FHIT: variants seen among roughly 807,000 people sequenced by gnomAD.
FHIT encodes the protein bis(5'-adenosyl)-triphosphatase.
Under a neutral mutation model 17.9 loss-of-function variants are expected in FHIT, and 19 were observed. The observed-to-expected ratio is 1.06, with a 90% confidence interval of 0.74 to 1.56. The LOEUF (loss-of-function observed/expected upper bound fraction) is 1.56. Among genes scored for constraint, FHIT ranks in the 40% most tolerant of loss-of-function variants. FHIT has a pLI of 0.00. For missense variants in FHIT, 248 were observed against 189.2 expected (o/e 1.31, Z -1.82); for synonymous variants, 81 against 69.7 (o/e 1.16, Z -0.81).
intron 5 of FHIT, among the ~76,000 whole-genome samples, chr3:60,090,133 G>T (rs941500150): frequency 6.6e-6 from 1 of 151,834 alleles, no homozygotes; most frequent in Non-Finnish European, 1.5e-5. Flanking sequence ...TCTCCCATCT[G>T]CCCCCCACCC....
chr3:61,131,976 G>A (rs755272911), intron 2 of FHIT, among the ~76,000 whole-genome samples: 56 of 152,188 alleles, frequency 3.7e-4, no homozygotes, highest in Non-Finnish European at 5.6e-4. Context: ...CTTCAAGAAG[G>A]GAACTGGGTT....
chr3:61,001,157 T>C (rs186743494), intron 3 of FHIT, among the ~76,000 whole-genome samples: 2 of 152,142 alleles, frequency 1.3e-5, no homozygotes, highest in East Asian at 3.9e-4. Context: ...AGTGATAACA[T>C]CAAATGCTGG....
At chr3:60,976,492 C>T (rs577185898) in intron 3 of FHIT, among the ~76,000 whole-genome samples, 16 of 152,118 alleles carry the variant, frequency 1.1e-4, no homozygotes, top group East Asian at 7.7e-4. Context: ...AACAAACAAA[C>T]GAAAAACCAT....
intron 5 of FHIT, among the ~76,000 whole-genome samples, chr3:60,402,834 T>C (rs1350443183): frequency 2.0e-5 from 3 of 152,196 alleles, no homozygotes; most frequent in Non-Finnish European, 4.4e-5. Flanking sequence ...CAGTACATAG[T>C]AGATGCTCAA....
intron 3 of FHIT, among the ~76,000 whole-genome samples, chr3:60,917,987 C>T (rs1553767443): frequency 1.3e-5 from 2 of 152,180 alleles, no homozygotes; most frequent in African/African-American, 4.8e-5. Flanking sequence ...TGAATTGTAA[C>T]TCTTATAATT....
At chr3:60,492,663 T>A (rs1349135344) in intron 5 of FHIT, among the ~76,000 whole-genome samples, 1 of 152,144 alleles carries the variant, frequency 6.6e-6, no homozygotes, top group Admixed American at 6.5e-5. Context: ...CCCACCATCA[T>A]GCCTGGCTAA....
chr3:60,533,401 TGCAAGA>T (rs558482070), intron 5 of FHIT, among the ~76,000 whole-genome samples: 82 of 152,298 alleles, frequency 5.4e-4, no homozygotes, highest in African/African-American at 1.9e-3. Flanking sequence ...AAAAGAGATG[TGCAAGA>T]GCAGGTCTCG....
rs114445726 is a variant in FHIT at position 60,208,553 on chromosome 3, C to T, written c.104-194401G>A. ...TTTAAATTTACACTTAGCATTTAGC[C>T]CCTTTTCTGCATTAGTCCCATGTTA... On this transcript the variant is annotated intron_variant, in intron 5 of 9. Coordinates refer to ENST00000492590, the MANE Select transcript of FHIT (RefSeq NM_002012.4). 4.5e-3 allele frequency among the ~76,000 whole-genome samples: 691 copies of T among 152,226 alleles called. 5 individuals are homozygous for T. Among genetic ancestry groups the T allele is most frequent in the Non-Finnish European group, 7.1e-3 (483 of 68,020 alleles).
intron 5 of FHIT, among the ~76,000 whole-genome samples, chr3:60,419,349 G>C (rs1702386934): frequency 6.6e-6 from 1 of 152,100 alleles, no homozygotes; most frequent in South Asian, 2.1e-4. Context: ...GTTATTATTT[G>C]AAATGTGCTT....
intron 3 of FHIT, among the ~76,000 whole-genome samples, chr3:60,991,791 T>C (rs2030244051): frequency 2.0e-5 from 1 of 49,568 alleles, no homozygotes; most frequent in African/African-American, 3.2e-5. Context: ...TAATAATAGC[T>C]GTTGTTGTTA....
At chr3:59,893,249 T>C (rs911758257) in intron 8 of FHIT, among the ~76,000 whole-genome samples, 1 of 152,190 alleles carries the variant, frequency 6.6e-6, no homozygotes, top group Non-Finnish European at 1.5e-5. Flanking sequence ...CAATCCCAGC[T>C]TCAAGGTGTC....
chr3:61,051,643 C>A (rs1211244398), intron 2 of FHIT, among the ~76,000 whole-genome samples: 1 of 152,076 alleles, frequency 6.6e-6, no homozygotes, highest in African/African-American at 2.4e-5. Context: ...AAATGACAGG[C>A]CCTGGAAATG....
intron 8 of FHIT, among the ~76,000 whole-genome samples, chr3:59,892,720 T>C (rs1035116325): frequency 6.6e-6 from 1 of 152,168 alleles, no homozygotes; most frequent in Non-Finnish European, 1.5e-5. Flanking sequence ...TAATGTTGTA[T>C]GTCATAAAAA....
chr3:61,035,737 T>C (rs1269687670), intron 3 of FHIT, among the ~76,000 whole-genome samples: 1 of 152,014 alleles, frequency 6.6e-6, no homozygotes, highest in East Asian at 1.9e-4. Flanking sequence ...TTTAAAATAT[T>C]ATCCAAGAAG....
chr3:59,967,444 G>C (rs1037792152), intron 7 of FHIT, among the ~76,000 whole-genome samples: 1 of 152,102 alleles, frequency 6.6e-6, no homozygotes, highest in African/African-American at 2.4e-5. Flanking sequence ...TAATGCAATG[G>C]ACTACAACGT....
intron 5 of FHIT, among the ~76,000 whole-genome samples, chr3:60,508,152 G>T (rs1454716681): frequency 2.6e-5 from 4 of 152,120 alleles, no homozygotes. Context: ...GAGGAATGCT[G>T]GTGGCTTGGA....
intron 8 of FHIT, among the ~76,000 whole-genome samples, chr3:59,854,663 C>G (rs1305962362): frequency 1.3e-5 from 2 of 152,098 alleles, no homozygotes; most frequent in Non-Finnish European, 2.9e-5. Flanking sequence ...AAACTGAGGT[C>G]TGGGGAATAG....
chr3:60,591,558 C>CA (rs1243301018), intron 4 of FHIT, among the ~76,000 whole-genome samples: 6 of 152,016 alleles, frequency 3.9e-5, no homozygotes, highest in African/African-American at 1.4e-4. Context: ...TAATAACCAG[C>CA]ATATGAAGCT....
intron 7 of FHIT, among the ~76,000 whole-genome samples, chr3:59,963,105 C>A (rs1180172201): frequency 6.6e-6 from 1 of 151,758 alleles, no homozygotes; most frequent in East Asian, 1.9e-4. Context: ...AATACACACA[C>A]ATAAAAAAAA....
Sources: allele counts gnomAD v4.1 joint callset (sites outside exome capture counted in the v4.1 genomes callset), GRCh38; gene constraint gnomAD v4.1.1; transcripts MANE v1.5; gene names NCBI Gene and HGNC (gene_info 2026-07-23, HGNC 2026-07-21).